The following PID1 variants were observed in gnomAD, a reference collection of about 807,000 sequenced individuals.
PID1 encodes the protein phosphotyrosine interaction domain containing 1.
PID1 carries 10 observed loss-of-function variants against 19.1 expected under a neutral mutation model. The ratio of observed to expected loss-of-function variants is 0.52; its 90% confidence interval spans 0.32 to 0.89. PID1 has a LOEUF of 0.89. Among genes scored for constraint, PID1 ranks in the 40% least tolerant of loss-of-function variants. The pLI, the probability that PID1 is intolerant of heterozygous loss-of-function variation, is 0.03. For synonymous variants in PID1, 130 were observed against 116.0 expected (o/e 1.12, Z -0.78); for missense variants, 248 against 285.3 (o/e 0.87, Z 0.94).
chr2:229,255,641 A>G (rs73998601), intron 1 of PID1, among the ~76,000 whole-genome samples: 3 of 152,274 alleles, frequency 2.0e-5, no homozygotes, highest in African/African-American at 7.2e-5. Flanking sequence ...TGGCAGTAAA[A>G]TTCCCCAAAA....
intron 2 of PID1, among the ~76,000 whole-genome samples, chr2:229,151,869 T>A (rs986418287): frequency 6.6e-6 from 1 of 152,078 alleles, no homozygotes; most frequent in Non-Finnish European, 1.5e-5. Flanking sequence ...CGCGCCCAGC[T>A]ATTTTTTTTT....
chr2:229,062,928 T>C (rs192345219), intron 2 of PID1, among the ~76,000 whole-genome samples: 7 of 152,174 alleles, frequency 4.6e-5, no homozygotes, highest in Middle Eastern at 3.4e-3. Flanking sequence ...TTCATAGTAG[T>C]ACTTTATGAT....
At position 229,025,438 on chromosome 2, in the gene PID1, C is replaced by A. The variant is rs569100392; in HGVS notation, c.*194G>T. The A allele has an allele frequency of 6.0e-5, 35 of 587,268 alleles. No individual in the cohort carries two copies. The highest frequency in any genetic ancestry group is 4.5e-4 in the Middle Eastern group (1 of 2,198). 36.4% of individuals were successfully genotyped at this position (587,268 alleles called of 1,614,324 possible). On this transcript the variant is annotated 3_prime_UTR_variant, in exon 3 of 3. Coordinates refer to ENST00000392055, the MANE Select transcript of PID1 (RefSeq NM_001100818.2). ...CCCACCCTCCTCACAGTCACAGCAG[C>A]AGCAGGTTTCAATGTAACGTAATTA...
At chr2:229,066,686 C>T (rs1386366573) in intron 2 of PID1, among the ~76,000 whole-genome samples, 1 of 151,792 alleles carries the variant, frequency 6.6e-6, no homozygotes, top group East Asian at 1.9e-4. Context: ...TTGAAAGGAG[C>T]AAGTTTCTAT....
chr2:229,170,721 T>A (rs1478956633), intron 1 of PID1, among the ~76,000 whole-genome samples: 1 of 152,206 alleles, frequency 6.6e-6, no homozygotes, highest in East Asian at 1.9e-4. Flanking sequence ...ACAGATCAAG[T>A]AGACGCCTCT....
At chr2:229,233,136 T>C (rs1025724983) in intron 1 of PID1, among the ~76,000 whole-genome samples, 3 of 152,178 alleles carry the variant, frequency 2.0e-5, no homozygotes, top group African/African-American at 7.2e-5. Context: ...AATTCCTTAG[T>C]TTAATTTTTT....
At chr2:229,138,580 A>AAAAAATGGATCAACAGC (rs1689904692) in intron 2 of PID1, among the ~76,000 whole-genome samples, 1 of 152,084 alleles carries the variant, frequency 6.6e-6, no homozygotes, top group Admixed American at 6.6e-5. Flanking sequence ...CCCTCCTCAG[A>AAAAAATGGATCAACAGC]AAAAATGGAT....
At chr2:229,237,385 T>G (rs2106273062) in intron 1 of PID1, among the ~76,000 whole-genome samples, 1 of 152,280 alleles carries the variant, frequency 6.6e-6, no homozygotes, top group East Asian at 1.9e-4. Context: ...CTTACAATTT[T>G]CAGTCATTCA....
intron 2 of PID1, among the ~76,000 whole-genome samples, chr2:229,077,834 G>T (rs879055611): frequency 1.3e-5 from 2 of 152,146 alleles, no homozygotes; most frequent in Admixed American, 1.3e-4. Context: ...CTCCAGCTTT[G>T]TTCTTTTTGC....
At chr2:229,139,387 C>T (rs999360600) in intron 2 of PID1, among the ~76,000 whole-genome samples, 2 of 152,146 alleles carry the variant, frequency 1.3e-5, no homozygotes, top group African/African-American at 4.8e-5. Context: ...GATGAAGAAT[C>T]TATCCTACAA....
intron 2 of PID1, among the ~76,000 whole-genome samples, chr2:229,051,391 G>A (rs1182345627): frequency 2.0e-5 from 3 of 152,074 alleles, no homozygotes; most frequent in Non-Finnish European, 2.9e-5. Flanking sequence ...CGGCTGTAGT[G>A]CAGTGAGGTG....
intron 1 of PID1, among the ~76,000 whole-genome samples, chr2:229,254,547 G>A (rs1329927433): frequency 6.6e-6 from 1 of 152,160 alleles, no homozygotes; most frequent in Non-Finnish European, 1.5e-5. Context: ...AACTAATCAT[G>A]TTTCTCTTTT....
intron 1 of PID1, among the ~76,000 whole-genome samples, chr2:229,247,725 C>G (rs1227000): frequency 0.84 from 127,619 of 152,174 alleles, 53,595 homozygotes; most frequent in East Asian, 0.92. Context: ...GGCACAGACA[C>G]TTCAGTGACC....
At chr2:229,205,200 A>G (rs937125028) in intron 1 of PID1, among the ~76,000 whole-genome samples, 1 of 152,010 alleles carries the variant, frequency 6.6e-6, no homozygotes, top group African/African-American at 2.4e-5. Context: ...CTACACAGAC[A>G]CATGCACACA....
In PID1 at chr2:229,025,456, C is replaced by A. The variant is rs536886797; in HGVS notation, c.*176G>T. 6.6e-6 allele frequency: 4 copies of A among 610,030 alleles called. No individual in the cohort carries two copies. Among genetic ancestry groups the A allele is most frequent in the Non-Finnish European group, 8.8e-6 (3 of 342,834 alleles). 37.8% of individuals were successfully genotyped at this position (610,030 alleles called of 1,614,324 possible). A position where few individuals can be genotyped will look rare whatever the true frequency, so the allele number is the denominator to read the frequency against. On this transcript the variant is annotated 3_prime_UTR_variant, in exon 3 of 3. Coordinates refer to ENST00000392055, the MANE Select transcript of PID1 (RefSeq NM_001100818.2). Reference sequence around the variant, plus strand: ...ACAGCAGCAGCAGGTTTCAATGTAACGTAATTACTTTAATGATACATTTCT... The same window carrying A: ...ACAGCAGCAGCAGGTTTCAATGTAAAGTAATTACTTTAATGATACATTTCT...
chr2:229,232,100 G>T, intron 1 of PID1: 8 of 1,486,938 alleles, frequency 5.4e-6, no homozygotes, highest in South Asian at 1.4e-5. Flanking sequence ...TTCAAGAGGG[G>T]AGGAGCCCTG....
intron 2 of PID1, among the ~76,000 whole-genome samples, chr2:229,054,228 CAGGCTTAATA>C (rs548275616): frequency 6.8e-4 from 104 of 152,270 alleles, no homozygotes; most frequent in African/African-American, 2.4e-3. Context: ...CAGAAAAGAC[CAGGCTTAATA>C]AGGCAGAATA....
chr2:229,101,600 G>A (rs958904632), intron 2 of PID1, among the ~76,000 whole-genome samples: 2 of 152,202 alleles, frequency 1.3e-5, no homozygotes, highest in Non-Finnish European at 2.9e-5. Context: ...GACTTTAGGA[G>A]GCCAGTCCTA....
At chr2:229,253,486 G>T (rs184487625) in intron 1 of PID1, among the ~76,000 whole-genome samples, 2 of 151,950 alleles carry the variant, frequency 1.3e-5, no homozygotes, top group Admixed American at 1.3e-4. Context: ...TCCAAAGATG[G>T]GCCAGAACCT....
Sources: allele counts gnomAD v4.1 joint callset (sites outside exome capture counted in the v4.1 genomes callset), GRCh38; gene constraint gnomAD v4.1.1; transcripts MANE v1.5; gene names NCBI Gene and HGNC (gene_info 2026-07-23, HGNC 2026-07-21).